ABCC1: variants seen among roughly 807,000 people sequenced by gnomAD.
ABCC1 encodes ATP binding cassette subfamily C member 1 (ABCC1 blood group), also known as multidrug resistance-associated protein 1.
Under a neutral mutation model 172.9 loss-of-function variants are expected in ABCC1, and 83 were observed. The ratio of observed to expected loss-of-function variants is 0.48; its 90% CI spans 0.40 to 0.58. ABCC1 has a LOEUF of 0.58. ABCC1 is among the 20% of genes least tolerant of loss of function. ABCC1 has a pLI of 0.00. For synonymous variants in ABCC1, 937 were observed against 825.2 expected (o/e 1.14, Z -2.32); for missense variants, 1,817 against 2,002.7 (o/e 0.91, Z 1.77).
chr16:16,115,851 A>C (rs2044836950), intron 23 of ABCC1, among the ~76,000 whole-genome samples: 1 of 151,978 alleles, frequency 6.6e-6, no homozygotes, highest in South Asian at 2.1e-4. Flanking sequence ...TTTATTTAAA[A>C]ATTTAAAAAA....
chr16:16,007,914 T>C lies in ABCC1; in HGVS notation c.147T>C (p.Cys49=). 6.2e-7 allele frequency: 1 copy of C among 1,612,996 alleles called. No individual in the cohort carries two copies. Among genetic ancestry groups the C allele is most frequent in the Non-Finnish European group, 8.5e-7 (1 of 1,179,722 alleles). ...TGCCTTGTTTTTACCTCTGGGCCTGTTTCCCCTTCTACTTCCTCTATCTCT... is the reference window on the plus strand; with the variant it reads ...TGCCTTGTTTTTACCTCTGGGCCTGCTTCCCCTTCTACTTCCTCTATCTCT... ...VWVPCFYLWA[C]FPFYFLYLSR... Residue 49 remains cysteine, a synonymous_variant, in exon 2 of 31, where the codon TGT becomes TGC. Transcript: ENST00000399410.
At chr16:16,038,023 T>C (rs1381509008) in intron 7 of ABCC1, among the ~76,000 whole-genome samples, 1 of 149,518 alleles carries the variant, frequency 6.7e-6, no homozygotes, top group East Asian at 2.0e-4. Context: ...ATTACAGTTC[T>C]TCATGGAGAC....
chr16:16,055,217 G>A (rs2049596563), intron 11 of ABCC1, among the ~76,000 whole-genome samples: 1 of 151,928 alleles, frequency 6.6e-6, no homozygotes, highest in South Asian at 2.1e-4. Flanking sequence ...ATGCCAGAGT[G>A]AGATGATGTT....
chr16:16,013,324 G>T (rs1232130298), intron 3 of ABCC1, among the ~76,000 whole-genome samples: 1 of 150,218 alleles, frequency 6.7e-6, no homozygotes, highest in African/African-American at 2.4e-5. Flanking sequence ...AGGCTGGAAT[G>T]CAGTGGCATG....
intron 12 of ABCC1, among the ~76,000 whole-genome samples, chr16:16,062,297 C>T (rs1208774287): frequency 6.6e-6 from 1 of 152,204 alleles, no homozygotes; most frequent in East Asian, 1.9e-4. Flanking sequence ...TAGGAAACCA[C>T]AGCAGAAGAT....
At chr16:15,997,519 TG>T (rs774617336) in intron 1 of ABCC1, among the ~76,000 whole-genome samples, 1 of 152,166 alleles carries the variant, frequency 6.6e-6, no homozygotes, top group Non-Finnish European at 1.5e-5. Flanking sequence ...TCTGGAGAGT[TG>T]GGTCCTTCTG....
Position 16,141,155 on chromosome 16 carries a change from G to C in ABCC1, c.4488-18G>C. ...CACCCCTCCCCTTCCCCTCATGTCT[G>C]TATCCCCTCTCCCTCAGGGTGATCG... On this transcript the variant is annotated intron_variant, in intron 30 of 30. Transcript: ENST00000399410. The C allele has an allele frequency of 1.2e-6, 2 of 1,611,330 alleles. No individual in the cohort carries two copies. Among genetic ancestry groups the C allele is most frequent in the Non-Finnish European group, 1.7e-6 (2 of 1,177,758 alleles).
chr16:16,039,323 A>C (rs1284677285), intron 7 of ABCC1, among the ~76,000 whole-genome samples: 1 of 144,616 alleles, frequency 6.9e-6, no homozygotes, highest in African/African-American at 2.6e-5. Context: ...GGTGGAATAC[A>C]GTAGTGTGAT....
At chr16:16,102,837 C>G in intron 20 of ABCC1, 120 bp downstream of exon 20, 1 of 902,856 alleles carries the variant, frequency 1.1e-6, no homozygotes, top group Non-Finnish European at 1.7e-6. Flanking sequence ...CTTTTACCTT[C>G]CCTCCCAAAT....
chr16:16,042,684 T>TA (rs1334935228), intron 7 of ABCC1, among the ~76,000 whole-genome samples: 10 of 142,400 alleles, frequency 7.0e-5, no homozygotes, highest in African/African-American at 2.3e-4. Flanking sequence ...GCCTGTGTGA[T>TA]AGAGCAAGAC....
At chr16:16,112,634 T>C (rs2044667688) in intron 22 of ABCC1, among the ~76,000 whole-genome samples, 1 of 152,214 alleles carries the variant, frequency 6.6e-6, no homozygotes, top group African/African-American at 2.4e-5. Flanking sequence ...ACACAGCTAA[T>C]ACATGGCAGC....
intron 1 of ABCC1, among the ~76,000 whole-genome samples, chr16:15,958,849 G>T (rs2046064893): frequency 6.6e-6 from 1 of 152,092 alleles, no homozygotes; most frequent in South Asian, 2.1e-4. Context: ...CTCAGTGTCG[G>T]CCCCGTTGAC....
intron 3 of ABCC1, among the ~76,000 whole-genome samples, chr16:16,011,218 G>A (rs566660721): frequency 8.1e-5 from 12 of 148,550 alleles, no homozygotes; most frequent in Non-Finnish European, 1.7e-4. Context: ...GGGGGACAGA[G>A]CGAGACCTCA....
chr16:16,126,358 G>T (rs1050260275), intron 26 of ABCC1, among the ~76,000 whole-genome samples: 7 of 152,136 alleles, frequency 4.6e-5, no homozygotes, highest in Admixed American at 3.9e-4. Context: ...CTGTCTATCA[G>T]AAATAACCTT....
rs2049297929 is a variant in ABCC1, at chr16:16,048,286, C to G, written c.1363C>G (p.Leu455Val). The change falls in exon 10 of 31, where the codon CTC becomes GTC. Residue 455 changes from leucine (L) to valine (V), a missense_variant. Leu to Val is a conservative substitution (Grantham distance 32). This residue lies in a region of ABCC1 where 1,412 missense variants were observed against 1,600.3 expected (regional missense o/e 0.88). Coordinates refer to ENST00000399410, the MANE Select transcript of ABCC1 (RefSeq NM_004996.4). Reference protein sequence around the residue: ...WSAPLQVILALYLLWLNLGPS... With the variant: ...WSAPLQVILAVYLLWLNLGPS... ...AGCCCCCCTGCAAGTCATCCTTGCT[C>G]TCTACCTCCTGTGGCTGGTGTGTGT... is the stretch of plus-strand genomic sequence containing the variant. 6 of 1,613,948 alleles carry G rather than the reference C, an allele frequency of 3.7e-6. No homozygotes were observed. Among genetic ancestry groups the G allele is most frequent in the East Asian group, 2.2e-5 (1 of 44,892 alleles).
intron 1 of ABCC1, among the ~76,000 whole-genome samples, chr16:15,956,976 G>A (rs186562988): frequency 2.2e-4 from 34 of 152,260 alleles, no homozygotes; most frequent in African/African-American, 7.7e-4. Flanking sequence ...GGGCGGTGTC[G>A]AAACTTCTTT....
chr16:16,102,577 G>A (rs749492087), intron 19 of ABCC1, 50 bp from the exon 20 acceptor site: 11 of 1,531,518 alleles, frequency 7.2e-6, no homozygotes, highest in East Asian at 2.4e-5. Context: ...CTTGGTTTTA[G>A]CATCTGCCTC....
intron 20 of ABCC1, among the ~76,000 whole-genome samples, chr16:16,104,072 T>G (rs796907218): frequency 6.6e-5 from 10 of 152,260 alleles, no homozygotes; most frequent in African/African-American, 2.2e-4. Context: ...CCGCTGGGTT[T>G]GTGCTCTGGC....
At chr16:15,997,570 A>G (rs1483725144) in intron 1 of ABCC1, among the ~76,000 whole-genome samples, 1 of 151,944 alleles carries the variant, frequency 6.6e-6, no homozygotes, top group African/African-American at 2.4e-5. Flanking sequence ...GGATTTCCCT[A>G]GATTAGGAAG....
Sources: allele counts gnomAD v4.1 joint callset (sites outside exome capture counted in the v4.1 genomes callset), GRCh38; gene constraint gnomAD v4.1.1; regional missense constraint gnomAD v4.1.1; transcripts MANE v1.5; gene names NCBI Gene and HGNC (gene_info 2026-07-23, HGNC 2026-07-21).